Variants in UPF2 observed in about 807,000 individuals in gnomAD.
UPF2 encodes the protein UPF2 regulator of nonsense mediated mRNA decay, also known as regulator of nonsense transcripts 2.
Under a neutral mutation model 141.4 loss-of-function variants are expected in UPF2, and 17 were observed. The observed-to-expected ratio is 0.12, with a 90% CI of 0.08 to 0.18. The LOEUF is 0.18. UPF2 is among the 10% of genes least tolerant of loss of function. The pLI is 1.00. For missense variants in UPF2, 1,152 were observed against 1,515.9 expected (o/e 0.76, Z 3.99); for synonymous variants, 540 against 498.0 (o/e 1.08, Z -1.12).
intron 3 of UPF2, among the ~76,000 whole-genome samples, chr10:12,018,700 C>T (rs999150584): frequency 6.6e-6 from 1 of 152,054 alleles, no homozygotes. Flanking sequence ...TGCAGTAAGC[C>T]GTGACCGTGC....
intron 9 of UPF2, among the ~76,000 whole-genome samples, chr10:11,970,991 C>T (rs1833407725): frequency 6.6e-6 from 1 of 151,930 alleles, no homozygotes; most frequent in Admixed American, 6.6e-5. Context: ...ACTAAGCATT[C>T]TAGTTTTCAA....
intron 20 of UPF2, 21 bp from the exon 21 acceptor site, chr10:11,930,006 A>G (rs1371507872): frequency 2.5e-6 from 4 of 1,614,068 alleles, no homozygotes; most frequent in Non-Finnish European, 3.4e-6. Context: ...GAGCAAAAAA[A>G]GAGAATGCTG....
rs1280514765 is a variant in UPF2 at position 11,948,448 on chromosome 10, T to A, written c.3095A>T (p.Asp1032Val). Reference protein sequence around the residue: ...SMTEGENLEEDEEEEEGGAET... With the variant: ...SMTEGENLEEVEEEEEGGAET... ...AGCCCCACCTTCTTCTTCTTCTTCATCCTCTTCAAGATTTTCTCCTTCTGT... is the reference window on the plus strand; with the variant it reads ...AGCCCCACCTTCTTCTTCTTCTTCAACCTCTTCAAGATTTTCTCCTTCTGT... The change falls in exon 16 of 22, where the codon GAT becomes GTT. Residue 1032 changes from aspartate to valine, a missense_variant. Around this residue, in one of 4 missense-constraint regions of UPF2, gnomAD observed 202 missense variants for 223.6 expected, o/e 0.90. Transcript: ENST00000357604. 2 of 1,613,310 alleles carry A rather than the reference T, an allele frequency of 1.2e-6. No individual in the cohort carries two copies. The highest frequency in any genetic ancestry group is 1.3e-5 in the African/African-American group (1 of 74,916).
rs1476362363 is a variant in UPF2, at chr10:12,019,238, A to G, written c.1146-5054T>C. Among the ~76,000 whole-genome samples the G allele has an allele frequency of 1.3e-5, 2 of 152,224 alleles. No individual in the cohort carries two copies. The highest frequency in any genetic ancestry group is 1.9e-4 in the East Asian group (1 of 5,208). ...CATTTGGTCTTTGCTGAAACTACTC[A>G]ACTCTGCTAACATAACACAAAAGCT... On this transcript the variant is annotated intron_variant, in intron 3 of 21. Transcript: ENST00000357604. The surrounding 1 kb of genome is among the most constrained non-coding windows in gnomAD (Gnocchi z 4.5).
intron 11 of UPF2, among the ~76,000 whole-genome samples, 168 bp downstream of exon 11, chr10:11,963,841 C>T (rs1440627527): frequency 6.6e-6 from 1 of 152,210 alleles, no homozygotes; most frequent in Non-Finnish European, 1.5e-5. Context: ...AAAATGTCTA[C>T]AGCTCTCCAG....
chr10:11,973,409 C>T (rs1471008282), intron 9 of UPF2, among the ~76,000 whole-genome samples: 4 of 152,076 alleles, frequency 2.6e-5, no homozygotes, highest in Non-Finnish European at 4.4e-5. Flanking sequence ...TTTGTCAATT[C>T]TGGCTTTTGT....
intron 18 of UPF2, among the ~76,000 whole-genome samples, chr10:11,937,566 A>T (rs1832869626): frequency 6.6e-6 from 1 of 152,216 alleles, no homozygotes; most frequent in African/African-American, 2.4e-5. Flanking sequence ...GAGGGAATCG[A>T]GGCAGGGGAA....
chr10:11,955,179 A>C, intron 14 of UPF2, 53 bp downstream of exon 14: 7 of 1,478,168 alleles, frequency 4.7e-6, no homozygotes, highest in Non-Finnish European at 6.3e-6. Flanking sequence ...TATTCTTTTA[A>C]AACACATGCA....
intron 8 of UPF2, among the ~76,000 whole-genome samples, chr10:11,990,803 A>G (rs951277826): frequency 2.6e-5 from 4 of 152,010 alleles, no homozygotes; most frequent in East Asian, 1.9e-4. Context: ...CCTGGCTAAC[A>G]TGGTGAAACC....
In UPF2 at chr10:11,948,466, C is replaced by T. The variant is rs373911401; in HGVS notation, c.3077G>A (p.Gly1026Glu). The change falls in exon 16 of 22, where the codon GGA becomes GAA. Residue 1026 changes from glycine (G) to glutamate (E), a missense_variant. This residue lies in a region of UPF2 where 202 missense variants were observed against 223.6 expected (regional missense o/e 0.90). Coordinates refer to ENST00000357604, the MANE Select transcript of UPF2 (RefSeq NM_015542.4). ...DKDSKDSMTE[G>E]ENLEEDEEEE... ...TTCTTCATCCTCTTCAAGATTTTCT[C>T]CTTCTGTCATAGAATCTTTTGAGTC... is the stretch of plus-strand genomic sequence containing the variant. The T allele has an allele frequency of 3.7e-6, 6 of 1,613,122 alleles. No individual in the cohort carries two copies. The highest frequency in any genetic ancestry group is 5.1e-6 in the Non-Finnish European group (6 of 1,179,962).
chr10:12,027,774 A>G (rs918093404), intron 3 of UPF2, among the ~76,000 whole-genome samples: 1 of 152,160 alleles, frequency 6.6e-6, no homozygotes, highest in African/African-American at 2.4e-5. Context: ...CTCCTGTTCA[A>G]TCTTCTGGTC....
intron 8 of UPF2, among the ~76,000 whole-genome samples, chr10:11,995,968 CCTCAGA>C (rs1833858067): frequency 1.3e-5 from 2 of 152,102 alleles, no homozygotes; most frequent in South Asian, 2.1e-4. Flanking sequence ...TTCTCTGACT[CCTCAGA>C]CTCAATCAGT....
intron 9 of UPF2, among the ~76,000 whole-genome samples, chr10:11,969,611 T>G (rs1453495511): frequency 6.6e-6 from 1 of 152,242 alleles, no homozygotes; most frequent in African/African-American, 2.4e-5. Context: ...CCTTGTAATT[T>G]AGAAAGAAGT....
At chr10:11,997,633 A>G in intron 8 of UPF2, 39 bp downstream of exon 8, 2 of 1,581,212 alleles carry the variant, frequency 1.3e-6, no homozygotes, top group Non-Finnish European at 1.7e-6. Flanking sequence ...AGCACTACAG[A>G]GTAAAAACAC....
Position 12,042,522 on chromosome 10 carries a change from C to T in UPF2, c.-19+233G>A, listed in dbSNP as rs549777752. Among the ~76,000 whole-genome samples the T allele has an allele frequency of 3.9e-5, 6 of 152,312 alleles. No individual in the cohort carries two copies. The South Asian group carries it at 1.2e-3, about 32-fold the overall frequency. Reference sequence around the variant, plus strand: ...GGGGCAGGCACCTCCTCCACCGCCCCCCAAGCATGGCCCGGCCCGGGGGCT... The same window carrying T: ...GGGGCAGGCACCTCCTCCACCGCCCTCCAAGCATGGCCCGGCCCGGGGGCT... On this transcript the variant is annotated intron_variant, in intron 1 of 21. Transcript: ENST00000357604. The surrounding 1 kb of genome is among the most constrained non-coding windows in gnomAD (Gnocchi z 5.5).
At chr10:11,954,641 AAAAT>A (rs1833120470) in intron 14 of UPF2, among the ~76,000 whole-genome samples, 2 of 37,202 alleles carry the variant, frequency 5.4e-5, no homozygotes, top group Non-Finnish European at 1.6e-4. Flanking sequence ...CTCAAAAAAA[AAAAT>A]ATATATATAT....
intron 8 of UPF2, among the ~76,000 whole-genome samples, chr10:11,991,336 T>C (rs1833777247): frequency 6.6e-6 from 1 of 151,996 alleles, no homozygotes; most frequent in South Asian, 2.1e-4. Context: ...CTGGTAAGAA[T>C]AAAATCGCCA....
intron 5 of UPF2, among the ~76,000 whole-genome samples, chr10:12,003,751 C>T (rs1297712246): frequency 6.6e-6 from 1 of 151,808 alleles, no homozygotes; most frequent in African/African-American, 2.4e-5. Context: ...CATGGTGAAA[C>T]CCCATCTCTA....
Position 11,979,164 on chromosome 10 carries a change from A to G in UPF2, c.1846T>C (p.Leu616=). ...CTTGCATAAAATGGTAGCAAATCCA[A>G]CCTGCAAAAGTTATATGTGATATGT... The part of the protein sequence containing the change: ...RALFIVPRQR[L]DLLPFYARLV... The change falls in exon 9 of 22, where the codon TTG becomes CTG. Residue 616 remains leucine, a splice_region_variant and synonymous_variant. Coordinates refer to ENST00000357604, the MANE Select transcript of UPF2 (RefSeq NM_015542.4). The surrounding 1 kb of genome is among the most constrained non-coding windows in gnomAD (Gnocchi z 6.2). 6.2e-7 allele frequency: 1 copy of G among 1,610,984 alleles called. No homozygotes were observed. Among genetic ancestry groups the G allele is most frequent in the Non-Finnish European group, 8.5e-7 (1 of 1,177,950 alleles).
Sources: allele counts gnomAD v4.1 joint callset (sites outside exome capture counted in the v4.1 genomes callset), GRCh38; gene constraint gnomAD v4.1.1; regional missense constraint gnomAD v4.1.1; non-coding constraint Gnocchi (gnomAD v3.1); transcripts MANE v1.5; gene names NCBI Gene and HGNC (gene_info 2026-07-23, HGNC 2026-07-21).